Variants in THADA observed in about 807,000 individuals in gnomAD.
The protein encoded by THADA is THADA armadillo repeat containing.
Under a neutral mutation model 219.8 loss-of-function variants are expected in THADA, and 213 were observed. The observed-to-expected ratio is 0.97, with a 90% confidence interval of 0.87 to 1.09. The LOEUF (loss-of-function observed/expected upper bound fraction) is 1.09, where lower values mean the gene tolerates loss of function less well. Ranked by LOEUF, THADA falls within the 50% of genes least tolerant of loss-of-function variation. The pLI is 0.00. For synonymous variants in THADA, 1,018 were observed against 828.9 expected (o/e 1.23, Z -3.92); for missense variants, 2,956 against 2,311.3 (o/e 1.28, Z -5.72).
At position 43,454,126 on chromosome 2, in the gene THADA, T is replaced by C. The variant is rs1047718618; in HGVS notation, c.3837-23824A>G. Among the ~76,000 whole-genome samples the C allele has an allele frequency of 2.0e-5, 3 of 152,338 alleles. No homozygotes were observed. The South Asian group carries it at 6.2e-4, about 32-fold the overall frequency. On this transcript the variant is annotated intron_variant, in intron 26 of 37. Coordinates refer to ENST00000405975, the MANE Select transcript of THADA (RefSeq NM_022065.5). ...CTCAAACAATCCTCCTGCCTTGGCC[T>C]GCCAACTTTTTTCTTTTAAATAAAT...
chr2:43,448,560 C>CTTTTTTTTTTTTTTTTTT (rs71410179), intron 26 of THADA, among the ~76,000 whole-genome samples: 3 of 103,624 alleles, frequency 2.9e-5, no homozygotes, highest in Admixed American at 1.1e-4. Flanking sequence ...TTCTTCCTTT[C>CTTTTTTTTTTTTTTTTTT]TTTTTTTTTT....
chr2:43,591,963 A>G lies in THADA; in HGVS notation c.160T>C (p.Tyr54His), dbSNP rs1301856743. Reference sequence around the variant, plus strand: ...CAATTCAGACTTACCTGTTTAATATAATGGATTTGTGACACTCCATCCGTG... The same window carrying G: ...CAATTCAGACTTACCTGTTTAATATGATGGATTTGTGACACTCCATCCGTG... ...QLTDGVSQIH[Y>H]IKQIVPLLEK... The change falls in exon 3 of 38, where the codon TAT becomes CAT. Residue 54 changes from tyrosine (Y) to histidine (H), a missense_variant. Tyr to His is a moderately conservative substitution (Grantham distance 83). Coordinates refer to ENST00000405975, the MANE Select transcript of THADA (RefSeq NM_022065.5). 5.2e-6 allele frequency: 8 copies of G among 1,543,942 alleles called. No individual in the cohort carries two copies. Among genetic ancestry groups the G allele is most frequent in the Non-Finnish European group, 7.0e-6 (8 of 1,142,700 alleles).
chr2:43,584,037 TAAAAAA>T (rs536050936), intron 7 of THADA, among the ~76,000 whole-genome samples: 1,958 of 65,586 alleles, frequency 0.03, 17 homozygotes, highest in Non-Finnish European at 0.043. Flanking sequence ...TTGTCTCAAT[TAAAAAA>T]AAAAAAAAAA....
chr2:43,290,988 T>C (rs1321007398), intron 34 of THADA, among the ~76,000 whole-genome samples: 1 of 152,092 alleles, frequency 6.6e-6, no homozygotes, highest in Non-Finnish European at 1.5e-5. Context: ...AGCGATGTAT[T>C]TGCATACTTA....
chr2:43,525,513 A>G (rs564546061), intron 22 of THADA, among the ~76,000 whole-genome samples: 14 of 152,314 alleles, frequency 9.2e-5, no homozygotes, highest in Non-Finnish European at 1.9e-4. Flanking sequence ...GCAAGCTGCC[A>G]TATAAGAATT....
chr2:43,316,595 T>C (rs1678106195), intron 31 of THADA, among the ~76,000 whole-genome samples: 1 of 152,156 alleles, frequency 6.6e-6, no homozygotes, highest in South Asian at 2.1e-4. Flanking sequence ...GCTGCACGGC[T>C]GGAGGAGACT....
intron 15 of THADA, 50 bp from the exon 16 acceptor site, chr2:43,560,435 C>T (rs1697921523): frequency 7.2e-7 from 1 of 1,388,762 alleles, no homozygotes; most frequent in Non-Finnish European, 9.5e-7. Flanking sequence ...AAAAAGAAAT[C>T]AGTCTTCTGA....
chr2:43,508,584 G>C (rs986623058), intron 23 of THADA, 64 bp downstream of exon 23: 9 of 1,539,012 alleles, frequency 5.8e-6, no homozygotes, highest in Non-Finnish European at 6.2e-6. Context: ...CGTCAAACAG[G>C]TTAGGATACA....
rs142018318 is a variant in THADA, at chr2:43,318,884, G to C, written c.4438+1562C>G. On this transcript the variant is annotated intron_variant, in intron 31 of 37. Coordinates refer to ENST00000405975, the MANE Select transcript of THADA (RefSeq NM_022065.5). ...AAAGGATGGGTAGTTGGGGAAGAAA[G>C]AAGGTATTTTACAACATATAAGGAT... 9.2e-5 allele frequency among the ~76,000 whole-genome samples: 14 copies of C among 152,300 alleles called. No individual in the cohort carries two copies. The East Asian group carries it at 2.7e-3, about 29-fold the overall frequency.
chr2:43,355,770 C>A (rs894069687), intron 29 of THADA, among the ~76,000 whole-genome samples: 1 of 152,138 alleles, frequency 6.6e-6, no homozygotes, highest in Non-Finnish European at 1.5e-5. Flanking sequence ...ACTGCAGACA[C>A]AGTTAATTTT....
intron 36 of THADA, among the ~76,000 whole-genome samples, chr2:43,242,581 T>C (rs1475650219): frequency 6.6e-6 from 1 of 152,098 alleles, no homozygotes; most frequent in African/African-American, 2.4e-5. Context: ...AACCTCCATC[T>C]CCCAGGTCAA....
chr2:43,470,704 T>G (rs1422933957), intron 26 of THADA, among the ~76,000 whole-genome samples: 1 of 152,198 alleles, frequency 6.6e-6, no homozygotes. Context: ...TCTCCATTAT[T>G]TTAAATAAGC....
chr2:43,360,202 T>C lies in THADA; in HGVS notation c.4228-15965A>G, dbSNP rs546089736. ...CATAGCACTTATCTGAACCACTCAT[T>C]TGGCACCTAGGATATGTTATCTTAA... On this transcript the variant is annotated intron_variant, in intron 29 of 37. Transcript: ENST00000405975. Among the ~76,000 whole-genome samples, 160 of 152,352 alleles carry C rather than the reference T, an allele frequency of 1.1e-3. 1 individual carries two copies. Among genetic ancestry groups the C allele is most frequent in the African/African-American group, 3.8e-3 (156 of 41,594 alleles).
chr2:43,358,283 A>T (rs961808630), intron 29 of THADA, among the ~76,000 whole-genome samples: 1 of 152,058 alleles, frequency 6.6e-6, no homozygotes, highest in Admixed American at 6.6e-5. Context: ...CTTATTGTGA[A>T]AATTCACATA....
chr2:43,349,567 C>T (rs993951973), intron 29 of THADA, among the ~76,000 whole-genome samples: 1 of 152,114 alleles, frequency 6.6e-6, no homozygotes, highest in Non-Finnish European at 1.5e-5. Context: ...GATGGGTTTT[C>T]CTCTTCACCA....
chr2:43,499,389 T>C (rs917029809), intron 24 of THADA, among the ~76,000 whole-genome samples: 5 of 152,126 alleles, frequency 3.3e-5, no homozygotes, highest in African/African-American at 1.2e-4. Flanking sequence ...TTTATTTTAT[T>C]TTATTAGATG....
chr2:43,312,529 C>T (rs1032220224), intron 31 of THADA, among the ~76,000 whole-genome samples: 6 of 152,148 alleles, frequency 3.9e-5, no homozygotes, highest in African/African-American at 1.2e-4. Flanking sequence ...ACAGAGTAAA[C>T]ACCACGTTAA....
At chr2:43,514,990 A>G (rs1294979972) in intron 22 of THADA, among the ~76,000 whole-genome samples, 1 of 59,918 alleles carries the variant, frequency 1.7e-5, no homozygotes, top group Non-Finnish European at 2.7e-5. Context: ...CATTTTATAT[A>G]TAATATATAA....
chr2:43,400,754 G>T (rs1265202243), intron 28 of THADA, among the ~76,000 whole-genome samples: 1 of 152,024 alleles, frequency 6.6e-6, no homozygotes, highest in Non-Finnish European at 1.5e-5. Flanking sequence ...AAGGGCTCCA[G>T]AAATTCCAAG....
Sources: allele counts gnomAD v4.1 joint callset (sites outside exome capture counted in the v4.1 genomes callset), GRCh38; gene constraint gnomAD v4.1.1; transcripts MANE v1.5; gene names NCBI Gene and HGNC (gene_info 2026-07-23, HGNC 2026-07-21).